SMYD3: variants seen among roughly 807,000 people sequenced by gnomAD.
SMYD3 encodes histone-lysine N-methyltransferase SMYD3.
SMYD3 carries 36 observed loss-of-function variants against 57.7 expected under a neutral mutation model. That is an observed-to-expected ratio of 0.62 (90% CI 0.48 to 0.82). SMYD3 has a LOEUF of 0.82. SMYD3 is among the 40% of genes least tolerant of loss of function. SMYD3 has a pLI of 0.00. For missense variants in SMYD3, 515 were observed against 538.8 expected (o/e 0.96, Z 0.44); for synonymous variants, 211 against 195.0 (o/e 1.08, Z -0.68).
chr1:246,224,449 A>T (rs1245424654), intron 5 of SMYD3, among the ~76,000 whole-genome samples: 1 of 152,162 alleles, frequency 6.6e-6, no homozygotes, highest in Non-Finnish European at 1.5e-5. Context: ...ATAGCAATAC[A>T]TCAGAGAGGA....
chr1:246,216,476 T>C (rs571154974), intron 5 of SMYD3, among the ~76,000 whole-genome samples: 10 of 152,066 alleles, frequency 6.6e-5, no homozygotes, highest in African/African-American at 2.2e-4. Flanking sequence ...TAGGAACAAG[T>C]GGGAAAATCT....
chr1:246,403,783 T>C (rs2066814058), intron 1 of SMYD3, among the ~76,000 whole-genome samples: 1 of 152,214 alleles, frequency 6.6e-6, no homozygotes, highest in Admixed American at 6.5e-5. Flanking sequence ...ATGCTGAGCA[T>C]TTTTAAATTT....
At chr1:246,351,285 T>C (rs12086690) in intron 2 of SMYD3, among the ~76,000 whole-genome samples, 1 of 152,212 alleles carries the variant, frequency 6.6e-6, no homozygotes, top group Non-Finnish European at 1.5e-5. Flanking sequence ...TGCTCAGCAA[T>C]TAATTCATTC....
chr1:246,223,423 T>G (rs979259127), intron 5 of SMYD3, among the ~76,000 whole-genome samples: 2 of 152,138 alleles, frequency 1.3e-5, no homozygotes, highest in South Asian at 4.1e-4. Flanking sequence ...CTGGAAAAGA[T>G]AGAGGCAGCC....
chr1:246,320,038 T>G lies in SMYD3; in HGVS notation c.531+7163A>C, dbSNP rs2065220867. ...TGTAATCTTGAATATAGTATCACGA[T>G]TTTCTCTTGCTTTATTTCTAACATA... On this transcript the variant is annotated intron_variant, in intron 5 of 11. Coordinates refer to ENST00000490107, the MANE Select transcript of SMYD3 (RefSeq NM_001167740.2). 1.3e-5 allele frequency among the ~76,000 whole-genome samples: 2 copies of G among 152,162 alleles called. 1 individual carries two copies. Among genetic ancestry groups the G allele is most frequent in the South Asian group, 4.1e-4 (2 of 4,822 alleles).
chr1:245,819,146 A>G (rs2148330706), intron 10 of SMYD3, among the ~76,000 whole-genome samples: 1 of 143,738 alleles, frequency 7.0e-6, no homozygotes, highest in South Asian at 2.4e-4. Context: ...AGTTGGAAGT[A>G]AAGCTCTCCT....
At chr1:245,920,205 C>G (rs571931874) in intron 7 of SMYD3, among the ~76,000 whole-genome samples, 2 of 150,436 alleles carry the variant, frequency 1.3e-5, no homozygotes, top group African/African-American at 4.9e-5. Flanking sequence ...CCCAGCTACT[C>G]GGGAGGCAGA....
At chr1:245,825,157 T>G (rs1384591538) in intron 10 of SMYD3, among the ~76,000 whole-genome samples, 2 of 152,134 alleles carry the variant, frequency 1.3e-5, no homozygotes, top group Non-Finnish European at 2.9e-5. Flanking sequence ...AGCTTTGCCT[T>G]AAGACAGACA....
intron 5 of SMYD3, among the ~76,000 whole-genome samples, chr1:246,134,709 C>G (rs1558258025): frequency 6.6e-6 from 1 of 151,780 alleles, no homozygotes; most frequent in Non-Finnish European, 1.5e-5. Context: ...GACATAAGAC[C>G]CTCTGACTTT....
At chr1:245,924,304 G>A (rs963512429) in intron 7 of SMYD3, among the ~76,000 whole-genome samples, 4 of 151,992 alleles carry the variant, frequency 2.6e-5, no homozygotes, top group African/African-American at 4.8e-5. Context: ...GCGGCTGAAT[G>A]AGGAGACAAA....
chr1:245,998,375 A>G (rs1374462542), intron 5 of SMYD3, among the ~76,000 whole-genome samples: 1 of 152,178 alleles, frequency 6.6e-6, no homozygotes, highest in African/African-American at 2.4e-5. Context: ...TAAGTCAGTG[A>G]CCTGACTAGG....
chr1:246,083,512 C>CGCGGGTCCTCCGTATGCTGAGT (rs1381488956), intron 5 of SMYD3, among the ~76,000 whole-genome samples: 1 of 150,122 alleles, frequency 6.7e-6, no homozygotes, highest in African/African-American at 2.5e-5. Context: ...CTGGTGCCGG[C>CGCGGGTCCTCCGTATGCTGAGT]GCGGGTCCCC....
chr1:245,939,002 C>A (rs928909512), intron 5 of SMYD3, among the ~76,000 whole-genome samples: 6 of 151,654 alleles, frequency 4.0e-5, no homozygotes, highest in Non-Finnish European at 7.4e-5. Context: ...AAAAATTAGC[C>A]GGGCGTGGTG....
chr1:246,151,108 C>T (rs921113048), intron 5 of SMYD3, among the ~76,000 whole-genome samples: 4 of 152,060 alleles, frequency 2.6e-5, no homozygotes, highest in East Asian at 1.9e-4. Flanking sequence ...TAGCCAGGCG[C>T]GGTGGCGGGC....
rs542585754 is a variant in SMYD3, at chr1:245,851,986, T to C, written c.1076+6510A>G. 2.2e-3 allele frequency among the ~76,000 whole-genome samples: 336 copies of C among 152,262 alleles called. 1 individual carries two copies. The highest frequency in any genetic ancestry group is 7.2e-3 in the African/African-American group (301 of 41,562). On this transcript the variant is annotated intron_variant, in intron 10 of 11. Transcript: ENST00000490107. ...TCCCCTTCCCAGTAGGGGCTACACA[T>C]ACATCAGCAGCACCCAATCATTTTG...
At chr1:246,421,216 T>G (rs1027632362) in intron 1 of SMYD3, among the ~76,000 whole-genome samples, 1 of 152,188 alleles carries the variant, frequency 6.6e-6, no homozygotes, top group Non-Finnish European at 1.5e-5. Context: ...TGTTTCATTG[T>G]ATTACACAAA....
intron 10 of SMYD3, among the ~76,000 whole-genome samples, chr1:245,810,966 C>T (rs1448599522): frequency 6.6e-6 from 1 of 152,206 alleles, no homozygotes; most frequent in Non-Finnish European, 1.5e-5. Flanking sequence ...GACAAAATCC[C>T]TAGTGCTCAT....
intron 5 of SMYD3, among the ~76,000 whole-genome samples, chr1:246,296,022 C>T (rs2064787563): frequency 6.6e-6 from 1 of 152,176 alleles, no homozygotes; most frequent in Admixed American, 6.5e-5. Flanking sequence ...CACTCCAGGA[C>T]ATTCTTGGAT....
At position 246,038,936 on chromosome 1, in the gene SMYD3, G is replaced by C. The variant is rs568451007; in HGVS notation, c.532-108999C>G. ...AAATACATGTTATTTGCATAAAATA[G>C]GCAAGACTTTCAGGAAAAAAACACT... On this transcript the variant is annotated intron_variant, in intron 5 of 11. Transcript: ENST00000490107. Among the ~76,000 whole-genome samples the C allele has an allele frequency of 7.9e-5, 12 of 152,216 alleles. No individual in the cohort carries two copies. The South Asian group carries it at 8.3e-4, about 11-fold the overall frequency.
Sources: gnomAD v4.1 joint callset for allele counts (sites outside exome capture counted in the v4.1 genomes callset) on GRCh38, gnomAD v4.1.1 for gene constraint, MANE v1.5 for transcripts, NCBI Gene and HGNC (gene_info 2026-07-23, HGNC 2026-07-21) for gene names.